The following SGCZ variants were observed in gnomAD, a reference collection of about 807,000 sequenced individuals.
SGCZ encodes sarcoglycan zeta, also known as zeta-sarcoglycan.
Under a neutral mutation model 41.3 loss-of-function variants are expected in SGCZ, and 40 were observed. That is an observed-to-expected ratio of 0.97 (90% CI 0.75 to 1.26). The LOEUF is 1.26. SGCZ is among the 50% of genes most tolerant of loss of function. The pLI is 0.00. For synonymous variants in SGCZ, 206 were observed against 137.5 expected, an observed-to-expected ratio of 1.50 and a Z score of -3.49; for missense variants, 552 against 369.8, an observed-to-expected ratio of 1.49 and a Z score of -4.04.
intron 3 of SGCZ, among the ~76,000 whole-genome samples, chr8:14,267,320 C>A (rs1041595779): frequency 2.0e-5 from 3 of 151,844 alleles, no homozygotes; most frequent in African/African-American, 7.3e-5. Context: ...AGCAAAATAA[C>A]CCCACGGGAG....
chr8:14,706,175 T>C (rs186489003), intron 1 of SGCZ, among the ~76,000 whole-genome samples: 5 of 152,010 alleles, frequency 3.3e-5, no homozygotes, highest in Non-Finnish European at 5.9e-5. Flanking sequence ...GAATATATCA[T>C]GTATCATCAT....
At chr8:14,502,372 G>A (rs189077575) in intron 2 of SGCZ, among the ~76,000 whole-genome samples, 9 of 152,134 alleles carry the variant, frequency 5.9e-5, no homozygotes, top group Admixed American at 2.6e-4. Context: ...ATTCATGTAC[G>A]CATGAATTTA....
chr8:14,335,932 A>C (rs1238760773), intron 2 of SGCZ, among the ~76,000 whole-genome samples: 15 of 152,038 alleles, frequency 9.9e-5, no homozygotes, highest in Admixed American at 9.8e-4. Context: ...TTTAAAAAAA[A>C]CTTTTAGGTT....
At chr8:14,980,681 G>C (rs1192245420) in intron 1 of SGCZ, among the ~76,000 whole-genome samples, 1 of 152,150 alleles carries the variant, frequency 6.6e-6, no homozygotes, top group African/African-American at 2.4e-5. Flanking sequence ...CAGATCTCAT[G>C]AGACTTATTC....
intron 5 of SGCZ, among the ~76,000 whole-genome samples, chr8:14,112,283 T>TGTGG (rs1554459449): frequency 8.8e-6 from 1 of 113,804 alleles, no homozygotes; most frequent in Non-Finnish European, 1.8e-5. Context: ...TTTTTTTTTG[T>TGTGG]GGGGGGGGGG....
intron 2 of SGCZ, among the ~76,000 whole-genome samples, chr8:14,481,324 C>T (rs956185780): frequency 1.3e-5 from 2 of 152,060 alleles, no homozygotes; most frequent in African/African-American, 2.4e-5. Context: ...ACAAAGGAGA[C>T]TCATACATGA....
intron 3 of SGCZ, among the ~76,000 whole-genome samples, chr8:14,301,468 G>C (rs1487277647): frequency 6.6e-6 from 1 of 151,878 alleles, no homozygotes; most frequent in Admixed American, 6.6e-5. Context: ...CCTCGTCTTA[G>C]TTTGCTGTTT....
intron 1 of SGCZ, among the ~76,000 whole-genome samples, chr8:15,017,934 T>C (rs1803101696): frequency 6.6e-6 from 1 of 152,192 alleles, no homozygotes; most frequent in South Asian, 2.1e-4. Context: ...CTCACAATTT[T>C]GCCCAGTCTG....
At chr8:14,945,141 T>C in intron 1 of SGCZ, among the ~76,000 whole-genome samples, 1 of 86,614 alleles carries the variant, frequency 1.2e-5, no homozygotes. Flanking sequence ...CTGACATGGT[T>C]AGGCAATGTT....
chr8:14,880,498 G>T (rs576030253), intron 1 of SGCZ, among the ~76,000 whole-genome samples: 2 of 152,066 alleles, frequency 1.3e-5, no homozygotes, highest in African/African-American at 4.8e-5. Flanking sequence ...AAAGACACAC[G>T]CACACGTATG....
chr8:14,480,742 T>C (rs1453414278), intron 2 of SGCZ, among the ~76,000 whole-genome samples: 1 of 152,010 alleles, frequency 6.6e-6, no homozygotes, highest in African/African-American at 2.4e-5. Flanking sequence ...ATAATGACAA[T>C]AAAGAATATA....
intron 1 of SGCZ, among the ~76,000 whole-genome samples, chr8:15,149,994 A>G (rs911716472): frequency 1.3e-5 from 2 of 152,158 alleles, no homozygotes; most frequent in Non-Finnish European, 2.9e-5. Flanking sequence ...AGTTAGATGG[A>G]AAAAAATCTG....
At chr8:14,383,479 T>A (rs1295677212) in intron 2 of SGCZ, among the ~76,000 whole-genome samples, 2 of 152,230 alleles carry the variant, frequency 1.3e-5, no homozygotes, top group Non-Finnish European at 2.9e-5. Flanking sequence ...CTTCAAAGTG[T>A]CCCACTCTGG....
chr8:14,696,973 C>A (rs1340523264), intron 1 of SGCZ, among the ~76,000 whole-genome samples: 2 of 150,014 alleles, frequency 1.3e-5, no homozygotes, highest in Non-Finnish European at 3.0e-5. Flanking sequence ...TAAAAAAAAA[C>A]ATAGATATTA....
In SGCZ at chr8:14,848,223, G is replaced by T. The variant is rs559357169; in HGVS notation, c.40-293297C>A. Reference sequence around the variant, plus strand: ...GAGAAATGAAAGAGGGCAAAATAAAGGAAGCCATAGCTGGTGTTAATGGGT... The same window carrying T: ...GAGAAATGAAAGAGGGCAAAATAAATGAAGCCATAGCTGGTGTTAATGGGT... On this transcript the variant is annotated intron_variant, in intron 1 of 7. Coordinates refer to ENST00000382080, the MANE Select transcript of SGCZ (RefSeq NM_139167.4). 1.3e-4 allele frequency among the ~76,000 whole-genome samples: 20 copies of T among 152,188 alleles called. No homozygotes were observed. The South Asian group carries it at 3.7e-3, about 28-fold the overall frequency.
chr8:14,628,318 T>A (rs1421260958), intron 1 of SGCZ, among the ~76,000 whole-genome samples: 3 of 149,148 alleles, frequency 2.0e-5, no homozygotes, highest in Admixed American at 1.3e-4. Context: ...TTAATTTACC[T>A]ATAAGGAAAG....
At chr8:14,260,429 T>A (rs1273569678) in intron 3 of SGCZ, among the ~76,000 whole-genome samples, 8 of 143,438 alleles carry the variant, frequency 5.6e-5, no homozygotes, top group Non-Finnish European at 9.3e-5. Flanking sequence ...ATGGCGATCA[T>A]TAAAAAGTCA....
At chr8:14,387,683 T>G (rs901458578) in intron 2 of SGCZ, among the ~76,000 whole-genome samples, 1 of 152,014 alleles carries the variant, frequency 6.6e-6, no homozygotes, top group Non-Finnish European at 1.5e-5. Context: ...TAAAAATATT[T>G]TATATGTTGA....
chr8:14,911,616 T>C (rs566319364), intron 1 of SGCZ, among the ~76,000 whole-genome samples: 1 of 152,130 alleles, frequency 6.6e-6, no homozygotes, highest in Non-Finnish European at 1.5e-5. Context: ...TGAATTCCCA[T>C]AATAAAATCT....
Sources: allele counts gnomAD v4.1 joint callset (sites outside exome capture counted in the v4.1 genomes callset), GRCh38; gene constraint gnomAD v4.1.1; transcripts MANE v1.5; gene names NCBI Gene and HGNC (gene_info 2026-07-23, HGNC 2026-07-21).